Variants in SLC2A1 observed in about 807,000 individuals in gnomAD.
SLC2A1 encodes solute carrier family 2, facilitated glucose transporter member 1.
In SLC2A1, 4 loss-of-function variants were observed where a neutral mutation model predicts 46.6. That is an observed-to-expected ratio of 0.09 (90% CI 0.04 to 0.20). The LOEUF (loss-of-function observed/expected upper bound fraction) is 0.20. Ranked by LOEUF, SLC2A1 falls within the 10% of genes least tolerant of loss-of-function variation. The pLI is 1.00. For synonymous variants in SLC2A1, 253 were observed against 270.0 expected, an observed-to-expected ratio of 0.94 and a Z score of 0.62; for missense variants, 352 against 667.0, an observed-to-expected ratio of 0.53 and a Z score of 5.20.
rs114514007 is a variant in SLC2A1, at chr1:42,958,841, C to G, written c.-190G>C. 3,051 of 583,128 alleles carry G rather than the reference C, an allele frequency of 5.2e-3. 91 individuals are homozygous for G. The African/African-American group carries it at 0.053, about 10-fold the overall frequency. The allele number at this position is 583,128 out of a possible 1,614,324, so 36.1% of individuals were successfully genotyped here. On this transcript the variant is annotated 5_prime_UTR_variant, in exon 1 of 10. Coordinates refer to ENST00000426263, the MANE Select transcript of SLC2A1 (RefSeq NM_006516.4). ...GGGGACCCGCGACTAGCGACCGGCA[C>G]GCTCGCTGTTGCTACCTCTTGCCTC...
intron 2 of SLC2A1, among the ~76,000 whole-genome samples, chr1:42,942,759 C>T (rs1003535502): frequency 1.3e-4 from 19 of 151,970 alleles, no homozygotes; most frequent in South Asian, 4.2e-4. Flanking sequence ...TGATATTGGG[C>T]GGGTTTCCTC....
chr1:42,953,781 G>GGGATTTGAGGCTGGCCCAGCTCC (rs1372691806), intron 1 of SLC2A1, among the ~76,000 whole-genome samples: 5 of 152,196 alleles, frequency 3.3e-5, no homozygotes, highest in African/African-American at 1.2e-4. Context: ...CTGATTACGG[G>GGGATTTGAGGCTGGCCCAGCTCC]GGATTTGAGG....
chr1:42,956,635 G>A (rs1223341447), intron 1 of SLC2A1, among the ~76,000 whole-genome samples: 2 of 152,092 alleles, frequency 1.3e-5, no homozygotes, highest in Non-Finnish European at 2.9e-5. Context: ...ATACACCACT[G>A]TGAAAGAGGT....
In SLC2A1 at chr1:42,931,183, C is replaced by G. The variant is rs149998596; in HGVS notation, c.138G>C (p.Gln46His). 1.3e-4 allele frequency: 208 copies of G among 1,614,028 alleles called. No homozygotes were observed. Among genetic ancestry groups the G allele is most frequent in the Non-Finnish European group, 1.9e-5 (22 of 1,180,010 alleles). The change falls in exon 3 of 10, where the codon CAG becomes CAC. Residue 46 changes from glutamine (Q) to histidine (H), a missense_variant. By Grantham distance (24) the Gln-to-His change is conservative. Coordinates refer to ENST00000426263, the MANE Select transcript of SLC2A1 (RefSeq NM_006516.4). ...PQKVIEEFYN[Q>H]TWVHRYGESI... ...TCTCCCCATAGCGGTGGACCCATGT[C>G]TGGTTGTAGAACTCCTCGATCACCT... is the stretch of plus-strand genomic sequence containing the variant.
Position 42,958,667 on chromosome 1 carries a change from G to A in SLC2A1, c.-16C>T. ...TGGGCTCCATGGCAGCGCTGCGCTG[G>A]TGGCTCTGGCTGCGCCGGGTACGCG... On this transcript the variant is annotated 5_prime_UTR_variant, in exon 1 of 10. Transcript: ENST00000426263. The A allele has an allele frequency of 6.5e-7, 1 of 1,535,390 alleles. No homozygotes were observed. The highest frequency in any genetic ancestry group is 8.7e-7 in the Non-Finnish European group (1 of 1,144,826).
intron 2 of SLC2A1, among the ~76,000 whole-genome samples, chr1:42,940,997 G>T (rs1643592035): frequency 6.6e-6 from 1 of 152,154 alleles, no homozygotes; most frequent in Non-Finnish European, 1.5e-5. Flanking sequence ...CAGAAACCTA[G>T]AAACCATTTT....
chr1:42,935,003 A>G (rs1643528048), intron 2 of SLC2A1, among the ~76,000 whole-genome samples: 1 of 152,168 alleles, frequency 6.6e-6, no homozygotes, highest in Non-Finnish European at 1.5e-5. Context: ...CAAATGTGCC[A>G]GGCTCGGCCA....
chr1:42,928,017 A>G (rs1233178737), intron 8 of SLC2A1, among the ~76,000 whole-genome samples: 3 of 152,146 alleles, frequency 2.0e-5, no homozygotes, highest in Non-Finnish European at 4.4e-5. Context: ...GCAAGTGTTG[A>G]GTCCACCCGC....
chr1:42,929,394 C>T lies in SLC2A1; in HGVS notation c.868-80G>A. Reference sequence around the variant, plus strand: ...CCTCTGTAGCAGTGGATGTGGGACCCAGGATGAGTAAAGAATGAAGGGGAC... The same window carrying T: ...CCTCTGTAGCAGTGGATGTGGGACCTAGGATGAGTAAAGAATGAAGGGGAC... On this transcript the variant is annotated intron_variant, in intron 6 of 9. Transcript: ENST00000426263. The surrounding 1 kb of genome is among the most constrained non-coding windows in gnomAD (Gnocchi z 6.0). 1 of 1,230,132 alleles carries T rather than the reference C, an allele frequency of 8.1e-7. No individual in the cohort carries two copies. Among genetic ancestry groups the T allele is most frequent in the South Asian group, 1.3e-5 (1 of 78,712 alleles). The allele number at this position is 1,230,132 out of a possible 1,614,324, so 76.2% of individuals were successfully genotyped here.
intron 1 of SLC2A1, among the ~76,000 whole-genome samples, chr1:42,957,388 G>A (rs1013951376): frequency 3.3e-5 from 5 of 152,190 alleles, no homozygotes; most frequent in Admixed American, 2.0e-4. Flanking sequence ...TTCCTGCCGA[G>A]GGTGCGGCCC....
intron 2 of SLC2A1, among the ~76,000 whole-genome samples, chr1:42,934,298 AG>A (rs1174730544): frequency 5.9e-5 from 9 of 152,164 alleles, no homozygotes; most frequent in Admixed American, 4.6e-4. Flanking sequence ...TATGGGGTGG[AG>A]GAAGGGTGAG....
intron 1 of SLC2A1, among the ~76,000 whole-genome samples, chr1:42,955,844 TC>T (rs1167420430): frequency 6.6e-6 from 1 of 152,168 alleles, no homozygotes; most frequent in Admixed American, 6.5e-5. Flanking sequence ...GCAAGGTGAT[TC>T]CATCTGTCCC....
At position 42,947,229 on chromosome 1, in the gene SLC2A1, T is replaced by C. The variant is rs1291373350; in HGVS notation, c.19-3908A>G. ...GACTTAGAGAAGGGTACTAGCCCCA[T>C]AGAGCTTGTGATTTTCTTGTGGGAG... On this transcript the variant is annotated intron_variant, in intron 1 of 9. Coordinates refer to ENST00000426263, the MANE Select transcript of SLC2A1 (RefSeq NM_006516.4). Among the ~76,000 whole-genome samples, 8 of 152,118 alleles carry C rather than the reference T, an allele frequency of 5.3e-5. No individual in the cohort carries two copies. In the East Asian group the frequency reaches 7.7e-4, roughly 15 times the overall value.
chr1:42,930,804 G>A lies in SLC2A1; in HGVS notation c.338C>T (p.Ser113Leu), dbSNP rs774348625. Reference protein sequence around the residue: ...AFVSAVLMGFSKLGKSFEMLI... With the variant: ...AFVSAVLMGFLKLGKSFEMLI... Reference sequence around the variant, plus strand: ...CATCTCAAAGGACTTGCCCAGTTTCGAGAAGCCCATGAGCACGGCGGACAC... The same window carrying A: ...CATCTCAAAGGACTTGCCCAGTTTCAAGAAGCCCATGAGCACGGCGGACAC... Residue 113 changes from serine to leucine, a missense_variant, in exon 4 of 10, where the codon TCG (serine) becomes TTG (leucine). By Grantham distance (145) the Ser-to-Leu change is moderately radical. Coordinates refer to ENST00000426263, the MANE Select transcript of SLC2A1 (RefSeq NM_006516.4). The surrounding 1 kb of genome is among the most constrained non-coding windows in gnomAD (Gnocchi z 6.2). The A allele has an allele frequency of 9.4e-6, 15 of 1,601,592 alleles. No homozygotes were observed. Among genetic ancestry groups the A allele is most frequent in the South Asian group, 5.5e-5 (5 of 91,080 alleles).
In SLC2A1 at chr1:42,954,807, G is replaced by T. The variant is rs936958210; in HGVS notation, c.18+3827C>A. ...TCACTGTAACTTGTATCACAGGGCA[G>T]TTGTGAGGACCCTTGGAGTTAATGG... is the stretch of plus-strand genomic sequence containing the variant. On this transcript the variant is annotated intron_variant, in intron 1 of 9. Coordinates refer to ENST00000426263, the MANE Select transcript of SLC2A1 (RefSeq NM_006516.4). This position sits in a 1 kb window ranked among gnomAD's most constrained non-coding sequence, Gnocchi z 4.2. Among the ~76,000 whole-genome samples, 1 of 152,350 alleles carries T rather than the reference G, an allele frequency of 6.6e-6. No individual in the cohort carries two copies. Among genetic ancestry groups the T allele is most frequent in the East Asian group, 1.9e-4 (1 of 5,180 alleles).
At chr1:42,952,957 C>G (rs2124472466) in intron 1 of SLC2A1, among the ~76,000 whole-genome samples, 1 of 152,346 alleles carries the variant, frequency 6.6e-6, no homozygotes, top group Middle Eastern at 3.4e-3. Flanking sequence ...CTCAGTGCCG[C>G]TGACCCAGAC....
intron 2 of SLC2A1, among the ~76,000 whole-genome samples, chr1:42,939,603 G>C (rs1360453237): frequency 6.6e-6 from 1 of 152,136 alleles, no homozygotes; most frequent in African/African-American, 2.4e-5. Context: ...TAGATGGGAG[G>C]CCCCGGGGAT....
At chr1:42,928,780 G>C in intron 8 of SLC2A1, 152 bp downstream of exon 8, 1 of 769,606 alleles carries the variant, frequency 1.3e-6, no homozygotes, top group South Asian at 1.4e-5. Context: ...TTTGGAAGGA[G>C]ACAACTTCAG....
intron 2 of SLC2A1, among the ~76,000 whole-genome samples, chr1:42,940,490 CCT>C (rs1643586701): frequency 6.6e-6 from 1 of 152,240 alleles, no homozygotes; most frequent in Middle Eastern, 3.2e-3. Context: ...TTACATTATC[CCT>C]CTGTCTTGGG....
Sources: allele counts gnomAD v4.1 joint callset (sites outside exome capture counted in the v4.1 genomes callset), GRCh38; gene constraint gnomAD v4.1.1; non-coding constraint Gnocchi (gnomAD v3.1); transcripts MANE v1.5; gene names NCBI Gene and HGNC (gene_info 2026-07-23, HGNC 2026-07-21).